Variants in CMYA5 observed in about 807,000 individuals in gnomAD.
CMYA5 encodes the protein cardiomyopathy-associated protein 5.
Under a neutral mutation model 318.9 loss-of-function variants are expected in CMYA5, and 246 were observed. That is an observed-to-expected ratio of 0.77 (90% CI 0.70 to 0.86). The LOEUF is 0.86. CMYA5 is among the 40% of genes least tolerant of loss of function. The pLI is 0.00. For missense variants in CMYA5, 4,589 were observed against 4,678.2 expected, an observed-to-expected ratio of 0.98 and a Z score of 0.56; for synonymous variants, 1,641 against 1,729.5, an observed-to-expected ratio of 0.95 and a Z score of 1.27.
At chr5:79,740,559 T>G (rs1481861234) in intron 2 of CMYA5, among the ~76,000 whole-genome samples, 1 of 152,246 alleles carries the variant, frequency 6.6e-6, no homozygotes, top group Non-Finnish European at 1.5e-5. Context: ...TCCTTTTAAT[T>G]TATAAAATTC....
Position 79,790,958 on chromosome 5 carries a change from C to T in CMYA5, c.11690-12C>T. 1 of 1,590,290 alleles carries T rather than the reference C, an allele frequency of 6.3e-7. No homozygotes were observed. Among genetic ancestry groups the T allele is most frequent in the Non-Finnish European group, 8.6e-7 (1 of 1,159,396 alleles). Reference sequence around the variant, plus strand: ...TGGCAATGTTTTAATACTATTTTCTCACCTGCAATAGGAACCAGATTTCTC... The same window carrying T: ...TGGCAATGTTTTAATACTATTTTCTTACCTGCAATAGGAACCAGATTTCTC... On this transcript the variant is annotated splice_polypyrimidine_tract_variant and intron_variant, in intron 10 of 12. Coordinates refer to ENST00000446378, the MANE Select transcript of CMYA5 (RefSeq NM_153610.5).
chr5:79,778,808 T>TG (rs1423921450), intron 9 of CMYA5, among the ~76,000 whole-genome samples: 4 of 123,848 alleles, frequency 3.2e-5, no homozygotes, highest in African/African-American at 1.4e-4. Flanking sequence ...CCCCTCTCTC[T>TG]TTCTGTGTGT....
chr5:79,727,558 C>A (rs2151083390), intron 1 of CMYA5, among the ~76,000 whole-genome samples: 1 of 152,220 alleles, frequency 6.6e-6, no homozygotes. Context: ...GTAAGCCAGT[C>A]AGTAGCTGGG....
At chr5:79,701,090 C>CAAAAAAAA (rs1554097982) in intron 1 of CMYA5, among the ~76,000 whole-genome samples, 6 of 114,926 alleles carry the variant, frequency 5.2e-5, no homozygotes, top group Non-Finnish European at 9.3e-5. Flanking sequence ...ACTAAAAATA[C>CAAAAAAAA]AAAAAAAAAA....
intron 9 of CMYA5, among the ~76,000 whole-genome samples, chr5:79,766,569 G>GT (rs1580796152): frequency 6.6e-6 from 1 of 152,148 alleles, no homozygotes; most frequent in East Asian, 1.9e-4. Context: ...TAATCATGTG[G>GT]TTATTGTCAT....
intron 1 of CMYA5, among the ~76,000 whole-genome samples, chr5:79,709,686 G>T (rs1308596392): frequency 6.6e-6 from 1 of 151,428 alleles, no homozygotes; most frequent in East Asian, 1.9e-4. Flanking sequence ...AGCTGGGCGT[G>T]GTGACTCACG....
Position 79,799,449 on chromosome 5 carries a change from T to A in CMYA5, c.12043T>A (p.Tyr4015Asn). The A allele has an allele frequency of 6.2e-7, 1 of 1,614,012 alleles. No individual in the cohort carries two copies. Among genetic ancestry groups the A allele is most frequent in the East Asian group, 2.2e-5 (1 of 44,882 alleles). ...RPARVGILLD[Y>N]NNQRLIFINA... ...AGCCAGAGTGGGCATCCTGCTGGAC[T>A]ACAACAACCAGAGACTTATCTTCAT... Residue 4015 changes from tyrosine to asparagine, a missense_variant, in exon 13 of 13, where the codon TAC becomes AAC. Tyr to Asn is a moderately radical substitution (Grantham distance 143). This residue lies in a region of CMYA5 where 2,431 missense variants were observed against 2,495.1 expected (regional missense o/e 0.97). Coordinates refer to ENST00000446378, the MANE Select transcript of CMYA5 (RefSeq NM_153610.5).
chr5:79,694,662 T>C (rs16877044), intron 1 of CMYA5, among the ~76,000 whole-genome samples: 11,985 of 152,318 alleles, frequency 0.079, 612 homozygotes, highest in South Asian at 0.15. Flanking sequence ...CACATTTAAC[T>C]AGTCCTTGCA....
intron 7 of CMYA5, 135 bp from the exon 8 acceptor site, chr5:79,761,676 T>A: frequency 2.3e-6 from 2 of 871,154 alleles, no homozygotes; most frequent in Non-Finnish European, 3.4e-6. Flanking sequence ...GGAGCTGGTT[T>A]TCACATAATG....
rs774315410 is a variant in CMYA5 at position 79,799,663 on chromosome 5, G to T, written c.*47G>T. On this transcript the variant is annotated 3_prime_UTR_variant, in exon 13 of 13. Transcript: ENST00000446378. ...AAGAACAGCGATTTGAATTTTGGGG[G>T]GGTCTGCTGTTCATTCCTTTAGGTG... 7.0e-6 allele frequency: 11 copies of T among 1,568,992 alleles called. No individual in the cohort carries two copies. The highest frequency in any genetic ancestry group is 1.2e-5 in the South Asian group (1 of 85,902).
At chr5:79,756,407 T>A (rs1447510093) in intron 6 of CMYA5, among the ~76,000 whole-genome samples, 1 of 152,246 alleles carries the variant, frequency 6.6e-6, no homozygotes, top group Admixed American at 6.5e-5. Context: ...CTTTGCTTTC[T>A]GAATGTTAGC....
At chr5:79,748,700 G>A (rs1828379176) in intron 5 of CMYA5, among the ~76,000 whole-genome samples, 1 of 152,030 alleles carries the variant, frequency 6.6e-6, no homozygotes. Context: ...GCTCCACCGT[G>A]CCCTGCTAAT....
At chr5:79,724,107 C>T (rs1409730278) in intron 1 of CMYA5, among the ~76,000 whole-genome samples, 4 of 151,738 alleles carry the variant, frequency 2.6e-5, no homozygotes, top group Admixed American at 2.0e-4. Context: ...CACCTGAGGT[C>T]AGGAGTTTGG....
At chr5:79,701,549 C>T (rs1827175138) in intron 1 of CMYA5, among the ~76,000 whole-genome samples, 2 of 152,168 alleles carry the variant, frequency 1.3e-5, no homozygotes, top group Admixed American at 1.3e-4. Context: ...TTCACACTTT[C>T]TAAGATGGCA....
intron 7 of CMYA5, 83 bp downstream of exon 7, chr5:79,758,985 G>A: frequency 8.9e-7 from 1 of 1,124,286 alleles, no homozygotes; most frequent in Non-Finnish European, 1.2e-6. Flanking sequence ...CCTGTATTAT[G>A]ACTCTTCCCA....
chr5:79,738,009 C>T lies in CMYA5; in HGVS notation c.9244C>T (p.Leu3082Phe), dbSNP rs759110708. The T allele has an allele frequency of 3.1e-6, 5 of 1,613,430 alleles. No individual in the cohort carries two copies. Among genetic ancestry groups the T allele is most frequent in the Admixed American group, 3.3e-5 (2 of 59,940 alleles). ...ACAGAAATTAAATGTTGAAGAGAAACTCTCAAAGGAAGTTACAGAAGAAAC... is the reference window on the plus strand; with the variant it reads ...ACAGAAATTAAATGTTGAAGAGAAATTCTCAAAGGAAGTTACAGAAGAAAC... ...APQKLNVEEK[L>F]SKEVTEETIS... The change falls in exon 2 of 13, where the codon CTC becomes TTC. Residue 3082 changes from leucine (L) to phenylalanine (F), a missense_variant. Coordinates refer to ENST00000446378, the MANE Select transcript of CMYA5 (RefSeq NM_153610.5).
chr5:79,745,275 G>T lies in CMYA5; in HGVS notation c.10788G>T (p.Met3596Ile). The change falls in exon 4 of 13, where the codon ATG becomes ATT. Residue 3596 changes from methionine (M) to isoleucine (I), a missense_variant. Coordinates refer to ENST00000446378, the MANE Select transcript of CMYA5 (RefSeq NM_153610.5). ...TAGAAGAACAGAATGAGGAAATGAT[G>T]AAGAAGGTTTTAGCACAGTATGATG... Reference protein sequence around the residue: ...KRLEEQNEEMMKKVLAQYDEK... With the variant: ...KRLEEQNEEMIKKVLAQYDEK... 5 of 1,611,364 alleles carry T rather than the reference G, an allele frequency of 3.1e-6. No individual in the cohort carries two copies. Among genetic ancestry groups the T allele is most frequent in the Non-Finnish European group, 4.2e-6 (5 of 1,178,582 alleles).
At position 79,731,287 on chromosome 5, in the gene CMYA5, T is replaced by C. The variant is rs780714887; in HGVS notation, c.2522T>C (p.Ile841Thr). The change falls in exon 2 of 13, where the codon ATT (isoleucine) becomes ACT (threonine). Residue 841 changes from isoleucine to threonine, a missense_variant. Physicochemically the swap from Ile to Thr is moderately conservative, Grantham distance 89. Coordinates refer to ENST00000446378, the MANE Select transcript of CMYA5 (RefSeq NM_153610.5). Reference protein sequence around the residue: ...TVLSVDGKEVIGPSSPDLVVA... With the variant: ...TVLSVDGKEVTGPSSPDLVVA... ...CTGTCAGTAGACGGCAAGGAGGTCATTGGACCATCTTCCCCAGATTTGGTT... is the reference window on the plus strand; with the variant it reads ...CTGTCAGTAGACGGCAAGGAGGTCACTGGACCATCTTCCCCAGATTTGGTT... 6.2e-7 allele frequency: 1 copy of C among 1,613,774 alleles called. No individual in the cohort carries two copies. Among genetic ancestry groups the C allele is most frequent in the Non-Finnish European group, 8.5e-7 (1 of 1,179,822 alleles).
chr5:79,747,667 C>T (rs1045884501), intron 5 of CMYA5, among the ~76,000 whole-genome samples: 24 of 152,178 alleles, frequency 1.6e-4, no homozygotes, highest in African/African-American at 4.8e-4. Flanking sequence ...AAGCAAAACA[C>T]TCAACAAGAA....
Sources: allele counts gnomAD v4.1 joint callset (sites outside exome capture counted in the v4.1 genomes callset), GRCh38; gene constraint gnomAD v4.1.1; regional missense constraint gnomAD v4.1.1; transcripts MANE v1.5; gene names NCBI Gene and HGNC (gene_info 2026-07-23, HGNC 2026-07-21).